The following ERGIC1 variants were observed in gnomAD, a reference collection of about 807,000 sequenced individuals.
The protein encoded by ERGIC1 is endoplasmic reticulum-golgi intermediate compartment 1, also known as endoplasmic reticulum-Golgi intermediate compartment protein 1.
Under a neutral mutation model 38.3 loss-of-function variants are expected in ERGIC1, and 19 were observed. That is an observed-to-expected ratio of 0.50 (90% CI 0.35 to 0.73). ERGIC1 has a LOEUF of 0.73. ERGIC1 is among the 30% of genes least tolerant of loss of function. The pLI is 0.01. For missense variants in ERGIC1, 294 were observed against 389.2 expected (o/e 0.76, Z 2.06); for synonymous variants, 124 against 157.6 (o/e 0.79, Z 1.60).
intron 3 of ERGIC1, chr5:172,906,080 T>A (rs147476947): frequency 3.3e-4 from 150 of 456,236 alleles, no homozygotes; most frequent in Middle Eastern, 1.6e-3. Context: ...TAGTCCTGTC[T>A]GTCATAACCT....
At chr5:172,914,992 C>A in intron 5 of ERGIC1, 154 bp downstream of exon 5, 1 of 1,235,878 alleles carries the variant, frequency 8.1e-7, no homozygotes, top group Non-Finnish European at 1.2e-6. Flanking sequence ...GCCGTTCCTG[C>A]TGAGAATCTG....
At chr5:172,843,198 G>A (rs143651297) in intron 1 of ERGIC1, among the ~76,000 whole-genome samples, 2 of 152,326 alleles carry the variant, frequency 1.3e-5, no homozygotes, top group East Asian at 3.9e-4. Context: ...AGTTTAAGGA[G>A]TTGCTTATAT....
At chr5:172,900,504 G>A (rs1170967486) in intron 3 of ERGIC1, among the ~76,000 whole-genome samples, 11 of 152,022 alleles carry the variant, frequency 7.2e-5, no homozygotes, top group Admixed American at 3.9e-4. Context: ...CCAGGAGTTC[G>A]AGACCAGCCT....
At chr5:172,914,250 A>ATAAATAAAT (rs1322007149) in intron 4 of ERGIC1, among the ~76,000 whole-genome samples, 15 of 100,648 alleles carry the variant, frequency 1.5e-4, no homozygotes, top group African/African-American at 4.7e-4. Context: ...AAAAAAAAAA[A>ATAAATAAAT]AAAAAAATAC....
At chr5:172,863,971 G>A (rs1009333265) in intron 1 of ERGIC1, among the ~76,000 whole-genome samples, 11 of 152,162 alleles carry the variant, frequency 7.2e-5, no homozygotes, top group African/African-American at 2.2e-4. Context: ...AGAGGCGGGC[G>A]GATCACTTGC....
At chr5:172,903,907 G>A (rs1299020376) in intron 3 of ERGIC1, among the ~76,000 whole-genome samples, 3 of 151,340 alleles carry the variant, frequency 2.0e-5, no homozygotes, top group Admixed American at 6.6e-5. Context: ...CTGCACTGCT[G>A]TATTTTCTTT....
chr5:172,874,247 T>C (rs1581531160), intron 1 of ERGIC1, among the ~76,000 whole-genome samples: 1 of 151,938 alleles, frequency 6.6e-6, no homozygotes, highest in East Asian at 1.9e-4. Flanking sequence ...CCTGGCTACT[T>C]TTTTTGTATT....
chr5:172,883,673 G>A (rs979543632), intron 1 of ERGIC1, among the ~76,000 whole-genome samples: 6 of 152,214 alleles, frequency 3.9e-5, no homozygotes, highest in Non-Finnish European at 1.5e-5. Context: ...GGTGCCCACT[G>A]TCTTCACCTG....
chr5:172,840,246 G>A (rs1761129331), intron 1 of ERGIC1, among the ~76,000 whole-genome samples: 1 of 152,158 alleles, frequency 6.6e-6, no homozygotes, highest in Non-Finnish European at 1.5e-5. Flanking sequence ...TCCTCCCAAG[G>A]CCGTTTGGAT....
chr5:172,839,772 C>T (rs1369175191), intron 1 of ERGIC1, among the ~76,000 whole-genome samples: 3 of 152,200 alleles, frequency 2.0e-5, no homozygotes, highest in Non-Finnish European at 4.4e-5. Context: ...TCTCCACAGT[C>T]CTACAAGGGA....
rs1761291464 is a variant in ERGIC1, at chr5:172,846,834, C to T, written c.20+12401C>T. ...CCGTGAGGACTAAATAAGTTTGCCTCTGTAAAGCCCTTAGAACTGTGCCTG... is the reference window on the plus strand; with the variant it reads ...CCGTGAGGACTAAATAAGTTTGCCTTTGTAAAGCCCTTAGAACTGTGCCTG... On this transcript the variant is annotated intron_variant, in intron 1 of 9. Coordinates refer to ENST00000393784, the MANE Select transcript of ERGIC1 (RefSeq NM_001031711.3). This position sits in a 1 kb window ranked among gnomAD's most constrained non-coding sequence, Gnocchi z 4.0. Among the ~76,000 whole-genome samples, 1 of 152,106 alleles carries T rather than the reference C, an allele frequency of 6.6e-6. No individual in the cohort carries two copies. The highest frequency in any genetic ancestry group is 6.5e-5 in the Admixed American group (1 of 15,274).
chr5:172,875,011 G>C (rs1172257808), intron 1 of ERGIC1, among the ~76,000 whole-genome samples: 6 of 152,030 alleles, frequency 3.9e-5, no homozygotes, highest in Non-Finnish European at 7.4e-5. Context: ...CTTAAGTAAG[G>C]GAGCAAGCCA....
At chr5:172,853,518 C>T (rs978981859) in intron 1 of ERGIC1, among the ~76,000 whole-genome samples, 4 of 152,124 alleles carry the variant, frequency 2.6e-5, no homozygotes, top group Non-Finnish European at 5.9e-5. Context: ...TGGCCCATTT[C>T]ACAGATGAGA....
At chr5:172,845,799 C>T (rs985078025) in intron 1 of ERGIC1, among the ~76,000 whole-genome samples, 4 of 152,200 alleles carry the variant, frequency 2.6e-5, no homozygotes, top group African/African-American at 9.7e-5. Flanking sequence ...CATGACTATT[C>T]TCTAAACTCT....
chr5:172,893,935 G>GTGTGTGTATA (rs1429850022), intron 2 of ERGIC1, among the ~76,000 whole-genome samples: 3 of 42,824 alleles, frequency 7.0e-5, no homozygotes, highest in Non-Finnish European at 9.2e-5. Context: ...GTGTGTGTGT[G>GTGTGTGTATA]TATATATATA....
chr5:172,896,282 G>C (rs1406281440), intron 2 of ERGIC1, among the ~76,000 whole-genome samples: 2 of 152,214 alleles, frequency 1.3e-5, no homozygotes, highest in Non-Finnish European at 2.9e-5. Context: ...GGTGGAAGTT[G>C]CAGTGAGCCG....
At chr5:172,835,770 C>T (rs1221129158) in intron 1 of ERGIC1, among the ~76,000 whole-genome samples, 3 of 152,200 alleles carry the variant, frequency 2.0e-5, no homozygotes, top group South Asian at 2.1e-4. Flanking sequence ...CCAGCCTGTC[C>T]GGGTCCCTGA....
At chr5:172,938,581 G>A (rs1489248594) in intron 9 of ERGIC1, among the ~76,000 whole-genome samples, 4 of 150,806 alleles carry the variant, frequency 2.7e-5, no homozygotes, top group East Asian at 3.9e-4. Flanking sequence ...GCAAAACCTC[G>A]TCTCTAGTTA....
intron 7 of ERGIC1, among the ~76,000 whole-genome samples, chr5:172,928,640 C>T (rs1372877670): frequency 6.6e-6 from 1 of 152,226 alleles, no homozygotes; most frequent in African/African-American, 2.4e-5. Flanking sequence ...GCTTTGTCCC[C>T]AGGACCCAGC....
Sources: allele counts gnomAD v4.1 joint callset (sites outside exome capture counted in the v4.1 genomes callset), GRCh38; gene constraint gnomAD v4.1.1; non-coding constraint Gnocchi (gnomAD v3.1); transcripts MANE v1.5; gene names NCBI Gene and HGNC (gene_info 2026-07-23, HGNC 2026-07-21).